NCR3: variants seen among roughly 807,000 people sequenced by gnomAD.
The protein encoded by NCR3 is natural cytotoxicity triggering receptor 3, also known as NK-p30.
NCR3 carries 13 observed loss-of-function variants against 16.1 expected under a neutral mutation model. The observed-to-expected ratio is 0.81, with a 90% CI of 0.53 to 1.28. The LOEUF is 1.28. NCR3 is among the 50% of genes most tolerant of loss of function. The pLI is 0.00. For synonymous variants in NCR3, 98 were observed against 106.6 expected, an observed-to-expected ratio of 0.92 and a Z score of 0.50; for missense variants, 202 against 256.8, an observed-to-expected ratio of 0.79 and a Z score of 1.46.
rs1378789094 is a variant in NCR3, at chr6:31,589,506, C to T, written c.496+20G>A. 3 of 1,613,186 alleles carry T rather than the reference C, an allele frequency of 1.9e-6. No homozygotes were observed. The highest frequency in any genetic ancestry group is 2.5e-6 in the Non-Finnish European group (3 of 1,179,488). On this transcript the variant is annotated intron_variant, in intron 3 of 3. Coordinates refer to ENST00000340027, the MANE Select transcript of NCR3 (RefSeq NM_147130.3). The surrounding 1 kb of genome is among the most constrained non-coding windows in gnomAD (Gnocchi z 4.8). Reference sequence around the variant, plus strand: ...GCCCCTCCCATCCCGTCCACTATTGCCCCTGGCTCCATTACTCACATTTGC... The same window carrying T: ...GCCCCTCCCATCCCGTCCACTATTGTCCCTGGCTCCATTACTCACATTTGC...
At chr6:31,590,320 G>A (rs528160874) in intron 1 of NCR3, among the ~76,000 whole-genome samples, 194 bp from the exon 2 acceptor site, 10 of 151,940 alleles carry the variant, frequency 6.6e-5, no homozygotes, top group Admixed American at 1.3e-4. Flanking sequence ...ATCATTTTTC[G>A]GCTGGGTGCA....
At chr6:31,592,652 T>C (rs770386185) in intron 1 of NCR3, 27 bp downstream of exon 1, 11 of 1,612,454 alleles carry the variant, frequency 6.8e-6, no homozygotes, top group African/African-American at 1.3e-5. Context: ...CCACACTCCT[T>C]GGGGTCCTGA....
At chr6:31,590,551 A>G (rs573912350) in intron 1 of NCR3, among the ~76,000 whole-genome samples, 27 of 152,208 alleles carry the variant, frequency 1.8e-4, no homozygotes, top group African/African-American at 6.5e-4. Flanking sequence ...GCAGTGAGCC[A>G]AGATTGCGCC....
At position 31,592,729 on chromosome 6, in the gene NCR3, G is replaced by T; in HGVS notation, c.-8C>A. ...CAACAGCATCCAGGCCATGTCGGAA[G>T]ATGTCCCAGTTGGCGAAGGGGATCT... On this transcript the variant is annotated 5_prime_UTR_variant, in exon 1 of 4. Coordinates refer to ENST00000340027, the MANE Select transcript of NCR3 (RefSeq NM_147130.3). 3 of 1,612,954 alleles carry T rather than the reference G, an allele frequency of 1.9e-6. No homozygotes were observed. The highest frequency in any genetic ancestry group is 2.5e-6 in the Non-Finnish European group (3 of 1,180,024).
At position 31,589,357 on chromosome 6, in the gene NCR3, G is replaced by T; in HGVS notation, c.496+169C>A. On this transcript the variant is annotated intron_variant, in intron 3 of 3. Coordinates refer to ENST00000340027, the MANE Select transcript of NCR3 (RefSeq NM_147130.3). The surrounding 1 kb of genome is among the most constrained non-coding windows in gnomAD (Gnocchi z 4.8). ...GAATCACTCCTCGGGGCCCATCTGA[G>T]GAGTGGCAGTGTGTTCCCATGTGAC... 2 of 1,552,388 alleles carry T rather than the reference G, an allele frequency of 1.3e-6. No individual in the cohort carries two copies. The highest frequency in any genetic ancestry group is 1.7e-6 in the Non-Finnish European group (2 of 1,147,178).
Position 31,589,375 on chromosome 6 carries a change from C to G in NCR3, c.496+151G>C, listed in dbSNP as rs1413251413. ...CATCTGAGGAGTGGCAGTGTGTTCCCATGTGACAGTGGCCTGGTCAGAGAG... is the reference window on the plus strand; with the variant it reads ...CATCTGAGGAGTGGCAGTGTGTTCCGATGTGACAGTGGCCTGGTCAGAGAG... On this transcript the variant is annotated intron_variant, in intron 3 of 3. Transcript: ENST00000340027. The surrounding 1 kb of genome is among the most constrained non-coding windows in gnomAD (Gnocchi z 4.8). 4 of 1,552,496 alleles carry G rather than the reference C, an allele frequency of 2.6e-6. No individual in the cohort carries two copies. The highest frequency in any genetic ancestry group is 2.0e-5 in the Admixed American group (1 of 51,034).
chr6:31,590,160 C>A, intron 1 of NCR3, 34 bp from the exon 2 acceptor site: 1 of 1,544,986 alleles, frequency 6.5e-7, no homozygotes, highest in Non-Finnish European at 8.8e-7. Flanking sequence ...AGAAACACCT[C>A]CCCAGTTATT....
chr6:31,592,124 C>T (rs1366611966), intron 1 of NCR3, among the ~76,000 whole-genome samples: 1 of 151,902 alleles, frequency 6.6e-6, no homozygotes, highest in South Asian at 2.1e-4. Flanking sequence ...GTGGTGCGCG[C>T]TTGTAATCCC....
intron 1 of NCR3, among the ~76,000 whole-genome samples, chr6:31,590,527 G>A (rs181402405): frequency 2.5e-4 from 38 of 152,150 alleles, no homozygotes; most frequent in Admixed American, 3.3e-4. Flanking sequence ...GCTTGAACCC[G>A]GGAGGCAGAG....
chr6:31,589,800 G>A lies in NCR3; in HGVS notation c.370C>T (p.Arg124Trp), dbSNP rs762727379. 4.9e-5 allele frequency: 79 copies of A among 1,611,312 alleles called. No homozygotes were observed. The highest frequency in any genetic ancestry group is 3.4e-4 in the South Asian group (31 of 91,044). The change falls in exon 2 of 4, where the codon CGG (arginine) becomes TGG (tryptophan). Residue 124 changes from arginine to tryptophan, a missense_variant. Arg to Trp is a moderately radical substitution (Grantham distance 101, BLOSUM62 -3). Coordinates refer to ENST00000340027, the MANE Select transcript of NCR3 (RefSeq NM_147130.3). The surrounding 1 kb of genome is among the most constrained non-coding windows in gnomAD (Gnocchi z 4.8). ...ATCTCACCTTTCTCCACCACCAGCCGAGTCCCATTCCCTGTCCCGACACCA... is the reference window on the plus strand; with the variant it reads ...ATCTCACCTTTCTCCACCACCAGCCAAGTCCCATTCCCTGTCCCGACACCA... ...GLGVGTGNGTRLVVEKEHPQL... is the reference protein window; with the variant it reads ...GLGVGTGNGTWLVVEKEHPQL...
intron 1 of NCR3, among the ~76,000 whole-genome samples, chr6:31,592,015 C>T (rs1289734777): frequency 5.3e-5 from 8 of 152,000 alleles, no homozygotes; most frequent in Admixed American, 2.0e-4. Flanking sequence ...TTTAGGAGGC[C>T]GAGGCAGGCA....
chr6:31,590,051 G>A lies in NCR3; in HGVS notation c.119C>T (p.Ser40Phe), dbSNP rs749255292. The change falls in exon 2 of 4, where the codon TCC (serine) becomes TTC (phenylalanine). Residue 40 changes from serine (S) to phenylalanine (F), a missense_variant. By Grantham distance (155) the Ser-to-Phe change is radical. Transcript: ENST00000340027. ...LEGSSAFLPC[S>F]FNASQGRLAI... Reference sequence around the variant, plus strand: ...CAGTCTCCCTTGGCTGGCATTGAAGGAGCAGGGCAGGAAGGCAGAGGATCC... The same window carrying A: ...CAGTCTCCCTTGGCTGGCATTGAAGAAGCAGGGCAGGAAGGCAGAGGATCC... 8 of 1,613,046 alleles carry A rather than the reference G, an allele frequency of 5.0e-6. 1 individual carries two copies. The South Asian group carries it at 8.8e-5, about 18-fold the overall frequency.
chr6:31,590,864 G>A (rs781209304), intron 1 of NCR3, among the ~76,000 whole-genome samples: 19 of 151,850 alleles, frequency 1.3e-4, no homozygotes, highest in Middle Eastern at 6.8e-3. Flanking sequence ...TTTTGAGATG[G>A]GGTCTTGCTC....
chr6:31,592,411 CAAAA>C (rs9281528), intron 1 of NCR3, among the ~76,000 whole-genome samples: 2 of 82,378 alleles, frequency 2.4e-5, no homozygotes, highest in Non-Finnish European at 2.5e-5. Flanking sequence ...GACTCAGTCT[CAAAA>C]AAAAAAAAAA....
In NCR3 at chr6:31,589,176, C is replaced by A. The variant is rs1322479959; in HGVS notation, c.497G>T (p.Cys166Phe). 7 of 1,613,426 alleles carry A rather than the reference C, an allele frequency of 4.3e-6. No individual in the cohort carries two copies. The highest frequency in any genetic ancestry group is 5.9e-6 in the Non-Finnish European group (7 of 1,179,818). The change falls in exon 4 of 4, where the codon TGT becomes TTT. Residue 166 changes from cysteine to phenylalanine, a missense_variant and splice_region_variant. By Grantham distance (205) the Cys-to-Phe change is radical (BLOSUM62 -2). Coordinates refer to ENST00000340027, the MANE Select transcript of NCR3 (RefSeq NM_147130.3). This position sits in a 1 kb window ranked among gnomAD's most constrained non-coding sequence, Gnocchi z 4.8. ...CCTTCTTGGACCTTTCCAGGTCAGA[C>A]CTGGTGGAAGGGAAAGTTCAGAGTT... is the stretch of plus-strand genomic sequence containing the variant. ...VGSTVYYQGKCLTWKGPRRQL... is the reference protein window; with the variant it reads ...VGSTVYYQGKFLTWKGPRRQL...
chr6:31,590,025 C>T lies in NCR3; in HGVS notation c.145G>A (p.Ala49Thr), dbSNP rs751579579. The T allele has an allele frequency of 1.2e-6, 2 of 1,613,030 alleles. No homozygotes were observed. Among genetic ancestry groups the T allele is most frequent in the South Asian group, 2.2e-5 (2 of 91,082 alleles). Reference protein sequence around the residue: ...CSFNASQGRLAIGSVTWFRDE... With the variant: ...CSFNASQGRLTIGSVTWFRDE... ...CGGAACCACGTGACGGAGCCAATGG[C>T]CAGTCTCCCTTGGCTGGCATTGAAG... is the stretch of plus-strand genomic sequence containing the variant. The change falls in exon 2 of 4, where the codon GCC becomes ACC. Residue 49 changes from alanine (A) to threonine (T), a missense_variant. Ala to Thr is a moderately conservative substitution (Grantham distance 58). Transcript: ENST00000340027.
At chr6:31,592,572 G>T in intron 1 of NCR3, 107 bp downstream of exon 1, 1 of 1,215,106 alleles carries the variant, frequency 8.2e-7, no homozygotes, top group Non-Finnish European at 1.2e-6. Context: ...TCAGAGCCGT[G>T]TGTTTCAGCC....
chr6:31,589,059 A>G lies in NCR3; in HGVS notation c.*8T>C. The G allele has an allele frequency of 6.4e-7, 1 of 1,564,804 alleles. No individual in the cohort carries two copies. The highest frequency in any genetic ancestry group is 8.6e-7 in the Non-Finnish European group (1 of 1,156,366). On this transcript the variant is annotated 3_prime_UTR_variant, in exon 4 of 4. Coordinates refer to ENST00000340027, the MANE Select transcript of NCR3 (RefSeq NM_147130.3). This position sits in a 1 kb window ranked among gnomAD's most constrained non-coding sequence, Gnocchi z 4.8. ...TCTGATCCTTCCCATTTCTCAGGAC[A>G]ATCAGGCTCAGCCTCCTGGGACTGG...
chr6:31,589,936 G>A lies in NCR3; in HGVS notation c.234C>T (p.Ala78=). 1 of 1,613,082 alleles carries A rather than the reference G, an allele frequency of 6.2e-7. No individual in the cohort carries two copies. The highest frequency in any genetic ancestry group is 8.5e-7 in the Non-Finnish European group (1 of 1,180,036). ...GGAGGAAACGGGAAGAAGCAAGTGG[G>A]GCCAGGCGGCCCCTGAACTCTGGGG... ...NGTPEFRGRL[A]PLASSRFLHD... is the part of the protein sequence containing the mutation. The change falls in exon 2 of 4, where the codon GCC becomes GCT. Residue 78 remains alanine, a synonymous_variant. Coordinates refer to ENST00000340027, the MANE Select transcript of NCR3 (RefSeq NM_147130.3). The surrounding 1 kb of genome is among the most constrained non-coding windows in gnomAD (Gnocchi z 4.8).
Sources: gnomAD v4.1 joint callset for allele counts (sites outside exome capture counted in the v4.1 genomes callset) on GRCh38, gnomAD v4.1.1 for gene constraint, Gnocchi (gnomAD v3.1) non-coding constraint, MANE v1.5 for transcripts, NCBI Gene and HGNC (gene_info 2026-07-23, HGNC 2026-07-21) for gene names.